PAFAH1B1: variants seen among roughly 807,000 people sequenced by gnomAD.
PAFAH1B1 encodes the protein platelet-activating factor acetylhydrolase IB subunit beta.
In PAFAH1B1, 2 loss-of-function variants were observed where a neutral mutation model predicts 57.5. The ratio of observed to expected loss-of-function variants is 0.03; its 90% CI spans 0.01 to 0.11. The LOEUF (loss-of-function observed/expected upper bound fraction) is 0.11, where lower values mean the gene tolerates loss of function less well. Ranked by LOEUF, PAFAH1B1 falls within the 10% of genes least tolerant of loss-of-function variation. PAFAH1B1 has a pLI of 1.00. For missense variants in PAFAH1B1, 257 were observed against 512.0 expected (o/e 0.50, Z 4.81); for synonymous variants, 152 against 169.6 (o/e 0.90, Z 0.81).
intron 2 of PAFAH1B1, chr17:2,642,391 C>A (rs1380306403): frequency 1.3e-5 from 2 of 152,076 alleles, no homozygotes; most frequent in Non-Finnish European, 1.5e-5. Flanking sequence ...ATAGAATTAC[C>A]TTCATTAGAA....
At chr17:2,655,242 A>C (rs1336559538) in intron 2 of PAFAH1B1, among the ~76,000 whole-genome samples, 5 of 151,812 alleles carry the variant, frequency 3.3e-5, no homozygotes, top group Admixed American at 1.3e-4. Context: ...GTAGGCATCT[A>C]TAAAGATGAT....
intron 2 of PAFAH1B1, among the ~76,000 whole-genome samples, chr17:2,651,923 A>G (rs1009334757): frequency 2.6e-5 from 4 of 152,156 alleles, no homozygotes; most frequent in African/African-American, 7.2e-5. Context: ...ACAAATGCCT[A>G]ATGTTATATA....
rs374180868 is a variant in PAFAH1B1, at chr17:2,645,562, C to T, written c.32+7242C>T. ...GAGCCGAGATCGCACCACTGCACTC[C>T]AGCCTGGGGGACAGAGGGAGACCCT... On this transcript the variant is annotated intron_variant, in intron 2 of 10. Transcript: ENST00000397195. 4.1e-3 allele frequency among the ~76,000 whole-genome samples: 609 copies of T among 150,102 alleles called. 6 individuals are homozygous for T. Among genetic ancestry groups the T allele is most frequent in the African/African-American group, 0.014 (586 of 41,122 alleles).
chr17:2,599,498 C>T (rs564693018), intron 1 of PAFAH1B1, among the ~76,000 whole-genome samples: 2 of 152,144 alleles, frequency 1.3e-5, no homozygotes, highest in South Asian at 4.1e-4. Context: ...GTAGCTTCTC[C>T]CAAAAAATGC....
intron 2 of PAFAH1B1, among the ~76,000 whole-genome samples, chr17:2,656,204 G>A (rs981947078): frequency 2.6e-5 from 4 of 152,114 alleles, no homozygotes; most frequent in African/African-American, 7.2e-5. Flanking sequence ...GATTACAGGC[G>A]TGAGCCACTG....
chr17:2,674,333 G>A, intron 8 of PAFAH1B1, 45 bp downstream of exon 8: 1 of 1,385,410 alleles, frequency 7.2e-7, no homozygotes, highest in Non-Finnish European at 1.0e-6. Context: ...GCTGATATCT[G>A]AAGTCCTTAG....
intron 2 of PAFAH1B1, among the ~76,000 whole-genome samples, chr17:2,648,588 G>T (rs893906795): frequency 6.6e-6 from 1 of 151,500 alleles, no homozygotes; most frequent in Admixed American, 6.6e-5. Flanking sequence ...TGAGGTGGGA[G>T]ACTCTCATGA....
chr17:2,629,741 T>A (rs1257293802), intron 1 of PAFAH1B1, among the ~76,000 whole-genome samples: 1 of 152,192 alleles, frequency 6.6e-6, no homozygotes, highest in Admixed American at 6.5e-5. Flanking sequence ...CTATTAGTAA[T>A]TGTTTTATAA....
At chr17:2,602,144 A>C (rs185587391) in intron 1 of PAFAH1B1, among the ~76,000 whole-genome samples, 4 of 152,150 alleles carry the variant, frequency 2.6e-5, no homozygotes, top group African/African-American at 7.2e-5. Flanking sequence ...ATAAAAAAAA[A>C]CCCCACTTAA....
At chr17:2,647,047 G>C (rs2068778513) in intron 2 of PAFAH1B1, among the ~76,000 whole-genome samples, 1 of 152,002 alleles carries the variant, frequency 6.6e-6, no homozygotes, top group African/African-American at 2.4e-5. Flanking sequence ...GCAAAACCCT[G>C]TCTCTATTAA....
intron 2 of PAFAH1B1, among the ~76,000 whole-genome samples, chr17:2,658,609 T>C (rs1044635491): frequency 1.3e-5 from 2 of 152,146 alleles, no homozygotes; most frequent in African/African-American, 4.8e-5. Flanking sequence ...AGCAGGCTAG[T>C]ATACTGGGTA....
chr17:2,631,868 C>G (rs1402898013), intron 1 of PAFAH1B1, among the ~76,000 whole-genome samples: 1 of 152,152 alleles, frequency 6.6e-6, no homozygotes, highest in Non-Finnish European at 1.5e-5. Flanking sequence ...TGCCATGATC[C>G]TTTAATTCCT....
chr17:2,629,074 T>G (rs868398175), intron 1 of PAFAH1B1, among the ~76,000 whole-genome samples: 4 of 152,162 alleles, frequency 2.6e-5, no homozygotes, highest in South Asian at 2.1e-4. Flanking sequence ...TGTGTTTTTT[T>G]GTTTGTTTGT....
chr17:2,625,363 T>A (rs1244661920), intron 1 of PAFAH1B1, among the ~76,000 whole-genome samples: 1 of 152,234 alleles, frequency 6.6e-6, no homozygotes, highest in Non-Finnish European at 1.5e-5. Context: ...AATCTTCTTA[T>A]TCGTTATTTT....
chr17:2,681,194 C>T, intron 10 of PAFAH1B1: 1 of 152,870 alleles, frequency 6.5e-6, no homozygotes, highest in Non-Finnish European at 1.5e-5. Flanking sequence ...CTTTGAACAG[C>T]CACTGCACTC....
At chr17:2,600,876 G>T (rs2068135367) in intron 1 of PAFAH1B1, among the ~76,000 whole-genome samples, 1 of 151,948 alleles carries the variant, frequency 6.6e-6, no homozygotes, top group African/African-American at 2.4e-5. Flanking sequence ...GGAATTACAG[G>T]CATGTGCCAC....
chr17:2,644,516 C>G (rs753347744), intron 2 of PAFAH1B1, among the ~76,000 whole-genome samples: 2 of 151,698 alleles, frequency 1.3e-5, no homozygotes, highest in African/African-American at 4.9e-5. Context: ...GTACTTCAGC[C>G]TGGGCAACAA....
intron 2 of PAFAH1B1, 162 bp downstream of exon 2, chr17:2,638,482 T>C (rs923975095): frequency 6.3e-6 from 4 of 639,694 alleles, no homozygotes; most frequent in Non-Finnish European, 1.1e-5. Flanking sequence ...AACAGTCTTA[T>C]TATGATATAG....
At chr17:2,651,299 G>A (rs891891078) in intron 2 of PAFAH1B1, among the ~76,000 whole-genome samples, 2 of 151,752 alleles carry the variant, frequency 1.3e-5, no homozygotes, top group Admixed American at 6.6e-5. Context: ...CATTTTGGCC[G>A]GGTGCGGTGG....
Sources: gnomAD v4.1 joint callset for allele counts (sites outside exome capture counted in the v4.1 genomes callset) on GRCh38, gnomAD v4.1.1 for gene constraint, MANE v1.5 for transcripts, NCBI Gene and HGNC (gene_info 2026-07-23, HGNC 2026-07-21) for gene names.